The following TMTC2 variants were observed in gnomAD, a reference collection of about 807,000 sequenced individuals.
TMTC2 encodes the protein protein O-mannosyl-transferase TMTC2.
Under a neutral mutation model 82.4 loss-of-function variants are expected in TMTC2, and 43 were observed. That is an observed-to-expected ratio of 0.52 (90% CI 0.41 to 0.67). The LOEUF (loss-of-function observed/expected upper bound fraction) is 0.67. Among genes scored for constraint, TMTC2 ranks in the 30% least tolerant of loss-of-function variants. The probability of loss-of-function intolerance (pLI) is 0.00; values close to 1 mark genes in which losing one functional copy is unlikely to be tolerated. For synonymous variants in TMTC2, 408 were observed against 381.9 expected, an observed-to-expected ratio of 1.07 and a Z score of -0.80; for missense variants, 919 against 1,012.4, an observed-to-expected ratio of 0.91 and a Z score of 1.25.
intron 4 of TMTC2, among the ~76,000 whole-genome samples, chr12:82,938,643 C>T (rs1391884022): frequency 1.3e-5 from 2 of 152,116 alleles, no homozygotes; most frequent in Non-Finnish European, 2.9e-5. Context: ...ACAACTCAGC[C>T]GGCCCTTTAC....
chr12:82,767,224 T>C lies in TMTC2; in HGVS notation c.83+79555T>C, dbSNP rs186751339. 3.3e-3 allele frequency among the ~76,000 whole-genome samples: 497 copies of C among 152,320 alleles called. 3 individuals are homozygous for C. Among genetic ancestry groups the C allele is most frequent in the African/African-American group, 0.011 (477 of 41,576 alleles). On this transcript the variant is annotated intron_variant, in intron 1 of 11. Coordinates refer to ENST00000321196, the MANE Select transcript of TMTC2 (RefSeq NM_152588.3). ...CAGTCTGATTTTACTCCCCATACTT[T>C]GTAGCTTTTTAATTTCTCTTTTTTC...
chr12:82,894,588 A>T (rs1279996250), intron 2 of TMTC2, among the ~76,000 whole-genome samples: 1 of 152,182 alleles, frequency 6.6e-6, no homozygotes, highest in African/African-American at 2.4e-5. Context: ...GAATGGCTTT[A>T]CCATTGAACC....
chr12:82,879,729 C>T (rs896112826), intron 2 of TMTC2, among the ~76,000 whole-genome samples: 4 of 152,132 alleles, frequency 2.6e-5, no homozygotes, highest in Non-Finnish European at 5.9e-5. Context: ...TTGTAAAACA[C>T]GAATTCACAA....
At chr12:83,079,451 G>T (rs1013677275) in intron 11 of TMTC2, among the ~76,000 whole-genome samples, 8 of 152,078 alleles carry the variant, frequency 5.3e-5, no homozygotes, top group African/African-American at 1.9e-4. Flanking sequence ...ACCAATGGCT[G>T]CTTTCCCTTT....
At chr12:82,785,159 C>T (rs937258391) in intron 1 of TMTC2, among the ~76,000 whole-genome samples, 2 of 152,104 alleles carry the variant, frequency 1.3e-5, no homozygotes, top group South Asian at 2.1e-4. Context: ...TCTTTAGACC[C>T]GGAAGCTGCT....
intron 3 of TMTC2, among the ~76,000 whole-genome samples, chr12:82,899,356 C>A (rs1873843806): frequency 6.6e-6 from 1 of 151,802 alleles, no homozygotes; most frequent in Non-Finnish European, 1.5e-5. Flanking sequence ...CTTTTCCCTT[C>A]ACAGTTGACC....
chr12:82,952,132 C>G (rs903418706), intron 4 of TMTC2, among the ~76,000 whole-genome samples: 5 of 151,990 alleles, frequency 3.3e-5, no homozygotes, highest in African/African-American at 1.2e-4. Flanking sequence ...AAAATCCTAC[C>G]TGTTTCTATT....
chr12:82,796,299 C>G (rs569503310), intron 1 of TMTC2, among the ~76,000 whole-genome samples: 4 of 151,998 alleles, frequency 2.6e-5, no homozygotes, highest in African/African-American at 7.2e-5. Context: ...GAAACAAGGC[C>G]GAAGAATGAT....
chr12:82,719,059 T>TTATATATATATATATATATATATA (rs1271920285), intron 1 of TMTC2, among the ~76,000 whole-genome samples: 1 of 94,446 alleles, frequency 1.1e-5, no homozygotes, highest in African/African-American at 4.6e-5. Flanking sequence ...TTAGATGATT[T>TTATATATATATATATATATATATA]TATATATATA....
At chr12:82,947,937 T>C (rs996744111) in intron 4 of TMTC2, among the ~76,000 whole-genome samples, 4 of 152,158 alleles carry the variant, frequency 2.6e-5, no homozygotes, top group African/African-American at 9.7e-5. Flanking sequence ...CCAATTTGGC[T>C]CCTGCTTCCA....
At chr12:82,748,719 T>C (rs577368606) in intron 1 of TMTC2, among the ~76,000 whole-genome samples, 1 of 152,074 alleles carries the variant, frequency 6.6e-6, no homozygotes, top group East Asian at 1.9e-4. Flanking sequence ...CTACTAAAAA[T>C]ACAAAAAATT....
At chr12:82,781,773 A>G (rs907180172) in intron 1 of TMTC2, among the ~76,000 whole-genome samples, 3 of 147,420 alleles carry the variant, frequency 2.0e-5, no homozygotes, top group African/African-American at 2.5e-5. Context: ...TCATCTCTAC[A>G]TGCCTAGGCT....
intron 7 of TMTC2, among the ~76,000 whole-genome samples, chr12:82,974,453 T>A (rs1039164675): frequency 6.6e-6 from 1 of 152,172 alleles, no homozygotes; most frequent in African/African-American, 2.4e-5. Context: ...TTAGATGAAA[T>A]AGACATAGTC....
At chr12:83,090,075 C>T (rs1883794035) in intron 11 of TMTC2, among the ~76,000 whole-genome samples, 1 of 152,100 alleles carries the variant, frequency 6.6e-6, no homozygotes. Context: ...ATAATGAGGT[C>T]AGAAAGGGTA....
intron 11 of TMTC2, among the ~76,000 whole-genome samples, chr12:83,076,225 A>G (rs1883280013): frequency 6.6e-6 from 1 of 152,168 alleles, no homozygotes; most frequent in South Asian, 2.1e-4. Flanking sequence ...CTCTGTATAT[A>G]TGTGTGTTTT....
In TMTC2 at chr12:82,965,609, A is replaced by G; in HGVS notation, c.1734A>G (p.Glu578=). 2 of 1,613,790 alleles carry G rather than the reference A, an allele frequency of 1.2e-6. No individual in the cohort carries two copies. The highest frequency in any genetic ancestry group is 1.7e-6 in the Non-Finnish European group (2 of 1,179,752). Residue 578 remains glutamate, a synonymous_variant, in exon 6 of 12, where the codon GAA becomes GAG. Transcript: ENST00000321196. The part of the protein sequence containing the change: ...GIILMNQGRT[E]EARRTFLKCS... ...TTCTAATGAACCAAGGAAGGACGGA[A>G]GAAGCCCGACGGACATTCTTAAAGT...
chr12:82,990,997 G>C (rs537466667), intron 8 of TMTC2, among the ~76,000 whole-genome samples: 14 of 152,208 alleles, frequency 9.2e-5, no homozygotes, highest in Non-Finnish European at 1.5e-4. Flanking sequence ...TGGGGAGATG[G>C]GCACAAGAGG....
At chr12:82,862,878 T>A (rs1016720637) in intron 2 of TMTC2, among the ~76,000 whole-genome samples, 1 of 152,234 alleles carries the variant, frequency 6.6e-6, no homozygotes, top group Non-Finnish European at 1.5e-5. Context: ...GAATAATTTC[T>A]GAGGGTGGGA....
intron 4 of TMTC2, among the ~76,000 whole-genome samples, chr12:82,961,572 T>C (rs544387038): frequency 2.0e-5 from 3 of 152,188 alleles, no homozygotes; most frequent in African/African-American, 7.2e-5. Flanking sequence ...TTGCCTCTTA[T>C]TAATCATAAT....
Sources: gnomAD v4.1 joint callset for allele counts (sites outside exome capture counted in the v4.1 genomes callset) on GRCh38, gnomAD v4.1.1 for gene constraint, MANE v1.5 for transcripts, NCBI Gene and HGNC (gene_info 2026-07-23, HGNC 2026-07-21) for gene names.